Variants in FSIP1 observed in about 807,000 individuals in gnomAD.
FSIP1 encodes fibrous sheath interacting protein 1.
In FSIP1, 65 loss-of-function variants were observed where a neutral mutation model predicts 60.9. That is an observed-to-expected ratio of 1.07 (90% CI 0.87 to 1.31). FSIP1 has a LOEUF of 1.31. Among genes scored for constraint, FSIP1 ranks in the 40% most tolerant of loss-of-function variants. The pLI, the probability that FSIP1 is intolerant of heterozygous loss-of-function variation, is 0.00. For missense variants in FSIP1, 675 were observed against 665.5 expected (o/e 1.01, Z -0.16); for synonymous variants, 209 against 221.2 (o/e 0.94, Z 0.49).
chr15:39,660,826 G>A (rs1893266425), intron 10 of FSIP1, among the ~76,000 whole-genome samples: 1 of 152,218 alleles, frequency 6.6e-6, no homozygotes, highest in Non-Finnish European at 1.5e-5. Flanking sequence ...ACTTTGGGAG[G>A]TTGAGGCAGG....
At chr15:39,662,118 C>T (rs1893319286) in intron 10 of FSIP1, among the ~76,000 whole-genome samples, 2 of 152,022 alleles carry the variant, frequency 1.3e-5, no homozygotes, top group Non-Finnish European at 2.9e-5. Context: ...TTCTAATGTT[C>T]AACTGCTTTC....
intron 10 of FSIP1, among the ~76,000 whole-genome samples, chr15:39,634,511 C>T (rs1892046071): frequency 6.6e-6 from 1 of 152,196 alleles, no homozygotes; most frequent in South Asian, 2.1e-4. Context: ...CTTCATCTGG[C>T]AACACCTGGA....
chr15:39,685,216 TATA>T (rs1242927677), intron 10 of FSIP1, among the ~76,000 whole-genome samples: 2 of 152,214 alleles, frequency 1.3e-5, no homozygotes, highest in Admixed American at 1.3e-4. Flanking sequence ...CTGAACTTTC[TATA>T]ATGTTTTAGT....
intron 10 of FSIP1, among the ~76,000 whole-genome samples, chr15:39,690,676 T>C (rs947638884): frequency 8.5e-5 from 13 of 152,206 alleles, no homozygotes; most frequent in African/African-American, 3.1e-4. Context: ...GGTAAAACCA[T>C]AGAGTTGTTA....
chr15:39,690,643 C>T (rs1163907447), intron 10 of FSIP1, among the ~76,000 whole-genome samples: 2 of 152,154 alleles, frequency 1.3e-5, no homozygotes, highest in African/African-American at 2.4e-5. Context: ...GATGAGTCCA[C>T]ATTTCTAGCT....
At chr15:39,638,436 T>C (rs1892222794) in intron 10 of FSIP1, among the ~76,000 whole-genome samples, 1 of 152,240 alleles carries the variant, frequency 6.6e-6, no homozygotes, top group Admixed American at 6.5e-5. Context: ...TCAGTGATTT[T>C]AGACGCTTTG....
intron 10 of FSIP1, among the ~76,000 whole-genome samples, chr15:39,675,598 C>T (rs1168734226): frequency 1.3e-5 from 2 of 152,018 alleles, no homozygotes; most frequent in East Asian, 1.9e-4. Flanking sequence ...TGAAAGATGA[C>T]CAATACCAAG....
chr15:39,613,906 T>G (rs924814047), intron 11 of FSIP1, among the ~76,000 whole-genome samples: 18 of 152,256 alleles, frequency 1.2e-4, no homozygotes, highest in African/African-American at 4.1e-4. Context: ...TTCAACACCA[T>G]TTCATGATAA....
intron 10 of FSIP1, among the ~76,000 whole-genome samples, chr15:39,627,193 C>T (rs548589706): frequency 6.6e-6 from 1 of 152,206 alleles, no homozygotes; most frequent in East Asian, 1.9e-4. Flanking sequence ...ATCATCCAGA[C>T]CTGTGCACTT....
chr15:39,605,270 T>C (rs1890782059), intron 11 of FSIP1, among the ~76,000 whole-genome samples: 1 of 152,188 alleles, frequency 6.6e-6, no homozygotes, highest in African/African-American at 2.4e-5. Flanking sequence ...AGCCTGGACA[T>C]TCCATCCCAG....
At chr15:39,694,784 C>T (rs1375401167) in intron 10 of FSIP1, among the ~76,000 whole-genome samples, 2 of 149,404 alleles carry the variant, frequency 1.3e-5, no homozygotes, top group African/African-American at 2.5e-5. Context: ...AGTGAGACTC[C>T]GTCTCAAAAA....
chr15:39,641,103 A>G (rs1892350776), intron 10 of FSIP1, among the ~76,000 whole-genome samples: 1 of 152,218 alleles, frequency 6.6e-6, no homozygotes, highest in African/African-American at 2.4e-5. Context: ...GAATATAAAG[A>G]TCTATTAGAC....
chr15:39,646,508 A>C (rs1892615378), intron 10 of FSIP1, among the ~76,000 whole-genome samples: 1 of 112,308 alleles, frequency 8.9e-6, no homozygotes, highest in African/African-American at 3.6e-5. Context: ...ACATAGCGAG[A>C]CCTCATCTCT....
rs368883815 is a variant in FSIP1 at position 39,608,138 on chromosome 15, C to T, written c.1700-7212G>A. ...ACATGCTCAAAGTAATAATGTAAGA[C>T]CTATTCCTTAGAGCTTATTATGTAA... is the stretch of plus-strand genomic sequence containing the variant. On this transcript the variant is annotated intron_variant, in intron 11 of 11. Coordinates refer to ENST00000350221, the MANE Select transcript of FSIP1 (RefSeq NM_152597.5). 8.7e-4 allele frequency among the ~76,000 whole-genome samples: 133 copies of T among 152,240 alleles called. 1 individual carries two copies. In the South Asian group the frequency reaches 9.1e-3, roughly 10 times the overall value.
At chr15:39,705,629 A>G (rs1895231890) in intron 10 of FSIP1, among the ~76,000 whole-genome samples, 1 of 152,140 alleles carries the variant, frequency 6.6e-6, no homozygotes, top group Non-Finnish European at 1.5e-5. Flanking sequence ...ATACGAATAT[A>G]TATATATAAC....
chr15:39,666,816 C>T (rs1038636444), intron 10 of FSIP1, among the ~76,000 whole-genome samples: 1 of 152,288 alleles, frequency 6.6e-6, no homozygotes, highest in Non-Finnish European at 1.5e-5. Flanking sequence ...ATGCAGATTC[C>T]TTTTTCTAAG....
At chr15:39,656,482 T>C (rs1295777519) in intron 10 of FSIP1, among the ~76,000 whole-genome samples, 1 of 152,200 alleles carries the variant, frequency 6.6e-6, no homozygotes, top group Non-Finnish European at 1.5e-5. Context: ...CTAACGATTG[T>C]CTGAGAGTGT....
chr15:39,672,243 C>T (rs1392193855), intron 10 of FSIP1, among the ~76,000 whole-genome samples: 43 of 152,182 alleles, frequency 2.8e-4, no homozygotes, highest in Admixed American at 2.8e-3. Context: ...GGTGAGAATC[C>T]AGCAAGATGC....
intron 10 of FSIP1, 80 bp downstream of exon 10, chr15:39,713,364 C>T (rs1164645645): frequency 2.5e-5 from 34 of 1,354,096 alleles, no homozygotes; most frequent in Middle Eastern, 2.4e-4. Context: ...CCCAGAAGTT[C>T]GAGACCAGCC....
Sources: gnomAD v4.1 joint callset for allele counts (sites outside exome capture counted in the v4.1 genomes callset) on GRCh38, gnomAD v4.1.1 for gene constraint, MANE v1.5 for transcripts, NCBI Gene and HGNC (gene_info 2026-07-23, HGNC 2026-07-21) for gene names.